TET1: variants seen among roughly 807,000 people sequenced by gnomAD.
TET1 encodes tet methylcytosine dioxygenase 1.
In TET1, 13 loss-of-function variants were observed where a neutral mutation model predicts 148.7. The ratio of observed to expected loss-of-function variants is 0.09; its 90% CI spans 0.06 to 0.14. The LOEUF is 0.14. Ranked by LOEUF, TET1 falls within the 10% of genes least tolerant of loss-of-function variation. The pLI, the probability that TET1 is intolerant of heterozygous loss-of-function variation, is 1.00. For synonymous variants in TET1, 907 were observed against 937.2 expected (o/e 0.97, Z 0.59); for missense variants, 2,182 against 2,553.8 (o/e 0.85, Z 3.14).
intron 2 of TET1, among the ~76,000 whole-genome samples, chr10:68,583,587 C>T (rs1244845213): frequency 1.3e-5 from 2 of 152,086 alleles, no homozygotes; most frequent in East Asian, 1.9e-4. Context: ...CTAAAGAAGG[C>T]CCTGATGTTC....
chr10:68,603,335 A>T (rs1473734239), intron 3 of TET1, among the ~76,000 whole-genome samples: 1 of 152,204 alleles, frequency 6.6e-6, no homozygotes, highest in Non-Finnish European at 1.5e-5. Context: ...GTAGTTGGAT[A>T]CGTGAAGAAC....
At chr10:68,684,547 T>C (rs2055483687) in intron 10 of TET1, among the ~76,000 whole-genome samples, 1 of 152,196 alleles carries the variant, frequency 6.6e-6, no homozygotes, top group African/African-American at 2.4e-5. Flanking sequence ...AATTACAGAA[T>C]ATCTGTGATC....
At chr10:68,587,874 T>C (rs937947043) in intron 2 of TET1, among the ~76,000 whole-genome samples, 28 of 152,026 alleles carry the variant, frequency 1.8e-4, no homozygotes, top group Non-Finnish European at 3.2e-4. Context: ...ACACGTCTTG[T>C]TGTTTTTGTT....
At chr10:68,609,256 G>A (rs1367689344) in intron 3 of TET1, among the ~76,000 whole-genome samples, 3 of 152,052 alleles carry the variant, frequency 2.0e-5, no homozygotes, top group Non-Finnish European at 4.4e-5. Context: ...CCACCTCCCA[G>A]GTTCAAGTGA....
At position 68,572,376 on chromosome 10, in the gene TET1, T is replaced by C. The variant is rs377381575; in HGVS notation, c.38T>C (p.Val13Ala). 3 of 1,608,452 alleles carry C rather than the reference T, an allele frequency of 1.9e-6. No individual in the cohort carries two copies. Residue 13 changes from valine (V) to alanine (A), a missense_variant, in exon 2 of 12, where the codon GTC (valine) becomes GCC (alanine). Physicochemically the swap from Val to Ala is moderately conservative, Grantham distance 64. Transcript: ENST00000373644. ...RSRHARPSRL[V>A]RKEDVNKKKK... The stretch of plus-strand genomic sequence containing the variant: ...CGCCATGCAAGGCCTTCCAGATTAG[T>C]CAGGAAGGAAGATGTAAACAAAAAA...
chr10:68,656,357 G>A (rs1274259777), intron 6 of TET1, among the ~76,000 whole-genome samples: 3 of 152,062 alleles, frequency 2.0e-5, no homozygotes, highest in African/African-American at 4.8e-5. Context: ...CCGCCTCCTG[G>A]GTTCACACCA....
chr10:68,647,623 A>AAAGT (rs1353776740), intron 4 of TET1, among the ~76,000 whole-genome samples: 2 of 152,026 alleles, frequency 1.3e-5, no homozygotes, highest in Non-Finnish European at 2.9e-5. Context: ...AGAAAGAAAG[A>AAAGT]AATAACTTAA....
intron 3 of TET1, among the ~76,000 whole-genome samples, chr10:68,615,273 T>TC (rs2054273525): frequency 6.6e-6 from 1 of 152,090 alleles, no homozygotes; most frequent in Admixed American, 6.6e-5. Context: ...CCCTGAGGTT[T>TC]CTTTTTTTTC....
intron 3 of TET1, among the ~76,000 whole-genome samples, chr10:68,642,517 C>G (rs935181404): frequency 6.6e-6 from 1 of 152,056 alleles, no homozygotes; most frequent in South Asian, 2.1e-4. Flanking sequence ...CAGCATTTCT[C>G]TTTGGGGTTT....
At chr10:68,672,847 G>A (rs754073132) in intron 7 of TET1, 48 bp from the exon 8 acceptor site, 49 of 1,543,614 alleles carry the variant, frequency 3.2e-5, no homozygotes, top group Non-Finnish European at 4.1e-5. Flanking sequence ...TCTCTCTGAG[G>A]TATTGTAATG....
At chr10:68,665,554 T>G (rs771415945) in intron 6 of TET1, among the ~76,000 whole-genome samples, 1 of 152,148 alleles carries the variant, frequency 6.6e-6, no homozygotes, top group Non-Finnish European at 1.5e-5. Context: ...TATTGTACAC[T>G]GATGGAAACT....
intron 8 of TET1, among the ~76,000 whole-genome samples, chr10:68,676,256 ATATATATATATATTTTTTT>A (rs1490770272): frequency 0.011 from 447 of 40,078 alleles, 1 homozygote; most frequent in Admixed American, 0.039. Context: ...ATATATATAT[ATATATATATATATTTTTTT>A]TTTTTTTTTT....
In TET1 at chr10:68,645,564, C is replaced by T. The variant is rs763408006; in HGVS notation, c.2835C>T (p.Asn945=). The T allele has an allele frequency of 1.1e-5, 18 of 1,614,050 alleles. No homozygotes were observed. Among genetic ancestry groups the T allele is most frequent in the African/African-American group, 2.7e-5 (2 of 74,932 alleles). ...TAAGAAAAGACCTCCAAGACCCAAA[C>T]TTACAGGGAGAGCCACCAAAACTTA... is the stretch of plus-strand genomic sequence containing the variant. ...YTVRKDLQDP[N]LQGEPPKLNH... Residue 945 remains asparagine, a synonymous_variant, in exon 4 of 12, where the codon AAC becomes AAT. Coordinates refer to ENST00000373644, the MANE Select transcript of TET1 (RefSeq NM_030625.3).
rs147501348 is a variant in TET1, at chr10:68,694,278, G to T, written c.*2464G>T. The T allele has an allele frequency of 2.0e-3, 474 of 232,654 alleles. 4 individuals are homozygous for T. The highest frequency in any genetic ancestry group is 9.8e-3 in the African/African-American group (446 of 45,438). The allele number at this position is 232,654 out of a possible 1,614,324, so 14.4% of individuals were successfully genotyped here. On this transcript the variant is annotated 3_prime_UTR_variant, in exon 12 of 12. Transcript: ENST00000373644. Reference sequence around the variant, plus strand: ...GACTTCTTAAGCTGATTACCCCACTGTGGGAACCAAATTGGATTCCTACTT... The same window carrying T: ...GACTTCTTAAGCTGATTACCCCACTTTGGGAACCAAATTGGATTCCTACTT...
chr10:68,593,915 ATTTTTTTTTT>A (rs3998851), intron 2 of TET1, among the ~76,000 whole-genome samples: 23 of 44,750 alleles, frequency 5.1e-4, no homozygotes, highest in South Asian at 2.4e-3. Context: ...CGCCTGAGCT[ATTTTTTTTTT>A]TTTTTTTTTT....
intron 3 of TET1, among the ~76,000 whole-genome samples, chr10:68,635,571 A>G (rs934646994): frequency 6.6e-6 from 1 of 152,234 alleles, no homozygotes; most frequent in African/African-American, 2.4e-5. Context: ...TTAAAAATAT[A>G]TAAAATAGCT....
Position 68,579,876 on chromosome 10 carries a change from C to T in TET1, c.1914+5624C>T, listed in dbSNP as rs187738797. Reference sequence around the variant, plus strand: ...CTCAGTCTCCAGGCCCAAGTGATGCCCTTCTTCCTTTCTCTCTCTTCTTTT... The same window carrying T: ...CTCAGTCTCCAGGCCCAAGTGATGCTCTTCTTCCTTTCTCTCTCTTCTTTT... On this transcript the variant is annotated intron_variant, in intron 2 of 11. Coordinates refer to ENST00000373644, the MANE Select transcript of TET1 (RefSeq NM_030625.3). Among the ~76,000 whole-genome samples the T allele has an allele frequency of 1.3e-3, 202 of 152,084 alleles. 1 individual carries two copies. Among genetic ancestry groups the T allele is most frequent in the African/African-American group, 4.6e-3 (191 of 41,494 alleles).
At chr10:68,690,035 G>C (rs1317182527) in intron 11 of TET1, among the ~76,000 whole-genome samples, 1 of 152,038 alleles carries the variant, frequency 6.6e-6, no homozygotes, top group East Asian at 1.9e-4. Flanking sequence ...AAGATGTTTT[G>C]TTACCTAGAA....
intron 2 of TET1, among the ~76,000 whole-genome samples, chr10:68,581,020 GT>G (rs1449164708): frequency 2.0e-5 from 3 of 151,928 alleles, no homozygotes; most frequent in African/African-American, 7.3e-5. Context: ...TCGTTTGAAG[GT>G]TGCCTGTAAG....
Sources: gnomAD v4.1 joint callset for allele counts (sites outside exome capture counted in the v4.1 genomes callset) on GRCh38, gnomAD v4.1.1 for gene constraint, MANE v1.5 for transcripts, NCBI Gene and HGNC (gene_info 2026-07-23, HGNC 2026-07-21) for gene names.